CWF19L1: variants seen among roughly 807,000 people sequenced by gnomAD.
The protein encoded by CWF19L1 is CWF19 like cell cycle control factor 1, also known as CWF19-like protein 1.
CWF19L1 carries 60 observed loss-of-function variants against 69.7 expected under a neutral mutation model. The observed-to-expected ratio is 0.86, with a 90% CI of 0.70 to 1.07. The LOEUF (loss-of-function observed/expected upper bound fraction) is 1.07, where lower values mean the gene tolerates loss of function less well. CWF19L1 is among the 50% of genes least tolerant of loss of function. The pLI, the probability that CWF19L1 is intolerant of heterozygous loss-of-function variation, is 0.00. For synonymous variants in CWF19L1, 209 were observed against 222.2 expected (o/e 0.94, Z 0.53); for missense variants, 591 against 638.9 (o/e 0.92, Z 0.81).
intron 7 of CWF19L1, chr10:100,248,517 C>G (rs1032749335): frequency 2.9e-6 from 2 of 691,294 alleles, no homozygotes; most frequent in African/African-American, 3.5e-5. Context: ...CAAAGATTTA[C>G]AGAATGTCAA....
intron 9 of CWF19L1, among the ~76,000 whole-genome samples, chr10:100,244,645 G>A (rs1358301490): frequency 2.6e-5 from 4 of 151,372 alleles, no homozygotes; most frequent in African/African-American, 7.3e-5. Context: ...GTGAGCCACC[G>A]CGCCTGGCCC....
chr10:100,265,916 C>G (rs1204189378), intron 1 of CWF19L1, among the ~76,000 whole-genome samples: 1 of 152,200 alleles, frequency 6.6e-6, no homozygotes, highest in African/African-American at 2.4e-5. Flanking sequence ...ACTTGACGTA[C>G]AGCTATACCA....
In CWF19L1 at chr10:100,248,929, G is replaced by A. The variant is rs947380226; in HGVS notation, c.708+1319C>T. 85 of 833,896 alleles carry A rather than the reference G, an allele frequency of 1.0e-4. No individual in the cohort carries two copies. In the African/African-American group the frequency reaches 1.2e-3, roughly 12 times the overall value. 51.7% of individuals were successfully genotyped at this position (833,896 alleles called of 1,614,324 possible). Reference sequence around the variant, plus strand: ...CGATTCCAAGGCAGCAGAGCTGATCGCCAACTCACTGGCCACCGCAGGGAA... The same window carrying A: ...CGATTCCAAGGCAGCAGAGCTGATCACCAACTCACTGGCCACCGCAGGGAA... On this transcript the variant is annotated intron_variant, in intron 7 of 13. Coordinates refer to ENST00000354105, the MANE Select transcript of CWF19L1 (RefSeq NM_018294.6).
At chr10:100,253,304 G>A (rs1847102989) in intron 6 of CWF19L1, 117 bp downstream of exon 6, 2 of 646,214 alleles carry the variant, frequency 3.1e-6, no homozygotes, top group Non-Finnish European at 5.5e-6. Context: ...TTACTTCAGT[G>A]TCTGAGTAAC....
chr10:100,246,245 T>C, intron 8 of CWF19L1: 1 of 212,634 alleles, frequency 4.7e-6, no homozygotes, highest in Non-Finnish European at 9.5e-6. Flanking sequence ...AGTGTAGTCA[T>C]ACAATTTCAC....
intron 7 of CWF19L1, 66 bp downstream of exon 7, chr10:100,250,182 G>A (rs952537445): frequency 3.9e-5 from 43 of 1,089,102 alleles, no homozygotes; most frequent in Middle Eastern, 2.0e-4. Context: ...TGCTAAACTG[G>A]ACAAGAGATA....
chr10:100,262,331 A>G, intron 1 of CWF19L1: 1 of 985,400 alleles, frequency 1.0e-6, no homozygotes, highest in Non-Finnish European at 1.2e-6. Flanking sequence ...GGACATGTCT[A>G]TGGCTGACAT....
At chr10:100,257,046 G>A (rs1036384737) in intron 4 of CWF19L1, among the ~76,000 whole-genome samples, 8 of 152,244 alleles carry the variant, frequency 5.3e-5, no homozygotes, top group Non-Finnish European at 8.8e-5. Context: ...AATTTAAGAC[G>A]CCACTCTCTT....
intron 7 of CWF19L1, among the ~76,000 whole-genome samples, chr10:100,249,664 A>C (rs1432234675): frequency 6.6e-6 from 1 of 151,988 alleles, no homozygotes; most frequent in Non-Finnish European, 1.5e-5. Flanking sequence ...AGCTCACTGC[A>C]GTCTCCACCT....
intron 5 of CWF19L1, chr10:100,254,182 C>A (rs1173649545): frequency 5.3e-5 from 8 of 152,130 alleles, no homozygotes; most frequent in African/African-American, 1.9e-4. Context: ...TAGTTTGTTA[C>A]GTAGTGCATC....
intron 1 of CWF19L1, 105 bp from the exon 2 acceptor site, chr10:100,262,168 C>A: frequency 6.9e-7 from 1 of 1,442,780 alleles, no homozygotes; most frequent in Non-Finnish European, 9.1e-7. Context: ...GATCTAGTCT[C>A]TCTGCAGTTA....
intron 5 of CWF19L1, chr10:100,253,784 C>T: frequency 2.5e-6 from 1 of 402,792 alleles, no homozygotes; most frequent in Non-Finnish European, 4.4e-6. Flanking sequence ...AAGGTAACTC[C>T]TCCATATCAA....
chr10:100,263,162 T>C (rs748575072), intron 1 of CWF19L1, among the ~76,000 whole-genome samples: 1 of 152,208 alleles, frequency 6.6e-6, no homozygotes, highest in East Asian at 1.9e-4. Context: ...CTACAGAAAG[T>C]AGTCAGTTTA....
At position 100,253,476 on chromosome 10, in the gene CWF19L1, G is replaced by A. The variant is rs764052181; in HGVS notation, c.568C>T (p.Pro190Ser). ...TCCAAAGCAGCAAAATGGTATCTTG[G>A]TTTCAAGCCCGTGGCAAGACTGGAA... ...LVSSLATGLK[P>S]RYHFAALEKT... is the part of the protein sequence containing the mutation. The change falls in exon 6 of 14, where the codon CCA becomes TCA. Residue 190 changes from proline (P) to serine (S), a missense_variant. By Grantham distance (74) the Pro-to-Ser change is moderately conservative. Coordinates refer to ENST00000354105, the MANE Select transcript of CWF19L1 (RefSeq NM_018294.6). 5 of 1,613,970 alleles carry A rather than the reference G, an allele frequency of 3.1e-6. No individual in the cohort carries two copies. Among genetic ancestry groups the A allele is most frequent in the Non-Finnish European group, 4.2e-6 (5 of 1,179,968 alleles).
Position 100,236,756 on chromosome 10 carries a change from C to T in CWF19L1, c.1374+94G>A. The T allele has an allele frequency of 2.1e-6, 3 of 1,443,668 alleles. No individual in the cohort carries two copies. The South Asian group carries it at 4.1e-5, about 20-fold the overall frequency. The allele number at this position is 1,443,668 out of a possible 1,614,324, so 89.4% of individuals were successfully genotyped here. A position where few individuals can be genotyped will look rare whatever the true frequency, so the allele number is the denominator to read the frequency against. ...CTGCACTCCAACCTAGGCAACAGAG[C>T]AAGACTCTGTCTCAAACAAACAAAC... On this transcript the variant is annotated intron_variant, in intron 12 of 13. Coordinates refer to ENST00000354105, the MANE Select transcript of CWF19L1 (RefSeq NM_018294.6).
Position 100,235,767 on chromosome 10 carries a change from A to G in CWF19L1, c.1375-3T>C, listed in dbSNP as rs1216997568. 5.6e-6 allele frequency: 9 copies of G among 1,601,244 alleles called. No individual in the cohort carries two copies. The highest frequency in any genetic ancestry group is 1.1e-5 in the South Asian group (1 of 90,784). On this transcript the variant is annotated splice_region_variant and splice_polypyrimidine_tract_variant and intron_variant, in intron 12 of 13. Coordinates refer to ENST00000354105, the MANE Select transcript of CWF19L1 (RefSeq NM_018294.6). ...TATGCTGCTCCTGGCTGTGCAATCTAAAGTAAACAGAGTTGTATGAGGATG... is the reference window on the plus strand; with the variant it reads ...TATGCTGCTCCTGGCTGTGCAATCTGAAGTAAACAGAGTTGTATGAGGATG...
intron 10 of CWF19L1, among the ~76,000 whole-genome samples, chr10:100,243,370 G>A (rs1421671809): frequency 1.3e-5 from 2 of 152,146 alleles, no homozygotes; most frequent in East Asian, 3.8e-4. Flanking sequence ...AAAGAAGCTA[G>A]ACACAAAAGA....
In CWF19L1 at chr10:100,238,211, T is replaced by C. The variant is rs142312495; in HGVS notation, c.1065A>G (p.Lys355=). The change falls in exon 11 of 14, where the codon AAA becomes AAG. Residue 355 remains lysine (K), a synonymous_variant. Transcript: ENST00000354105. The part of the protein sequence containing the change: ...IGTHCYLALA[K]GGLSDDHVLI... The stretch of plus-strand genomic sequence containing the variant: ...GGACATGGTCATCAGATAAGCCTCC[T>C]TTGGCCAGGGCAAGGTAGCACTGAA... 1.3e-4 allele frequency: 207 copies of C among 1,614,044 alleles called. No individual in the cohort carries two copies. The highest frequency in any genetic ancestry group is 1.4e-4 in the South Asian group (13 of 91,088).
intron 11 of CWF19L1, among the ~76,000 whole-genome samples, chr10:100,237,648 A>G (rs1459299225): frequency 6.6e-6 from 1 of 151,918 alleles, no homozygotes; most frequent in Non-Finnish European, 1.5e-5. Context: ...GCTAAACTTT[A>G]TATAATTTTT....
Sources: gnomAD v4.1 joint callset for allele counts (sites outside exome capture counted in the v4.1 genomes callset) on GRCh38, gnomAD v4.1.1 for gene constraint, MANE v1.5 for transcripts, NCBI Gene and HGNC (gene_info 2026-07-23, HGNC 2026-07-21) for gene names.